Variants in SNAP91 observed in about 807,000 individuals in gnomAD.
The protein encoded by SNAP91 is clathrin coat assembly protein AP180.
Under a neutral mutation model 100.3 loss-of-function variants are expected in SNAP91, and 27 were observed. The observed-to-expected ratio is 0.27, with a 90% confidence interval of 0.20 to 0.37. The LOEUF (loss-of-function observed/expected upper bound fraction) is 0.37, where lower values mean the gene tolerates loss of function less well. Ranked by LOEUF, SNAP91 falls within the 10% of genes least tolerant of loss-of-function variation. SNAP91 has a pLI of 1.00. For synonymous variants in SNAP91, 404 were observed against 398.6 expected (o/e 1.01, Z -0.16); for missense variants, 986 against 1,123.7 (o/e 0.88, Z 1.75).
At chr6:83,616,625 G>A (rs920097582) in intron 10 of SNAP91, among the ~76,000 whole-genome samples, 2 of 152,208 alleles carry the variant, frequency 1.3e-5, no homozygotes, top group South Asian at 2.1e-4. Flanking sequence ...TTGTGAAATT[G>A]TGCTTGTTTT....
intron 26 of SNAP91, among the ~76,000 whole-genome samples, chr6:83,572,312 T>A (rs145590538): frequency 6.6e-6 from 1 of 152,138 alleles, no homozygotes; most frequent in African/African-American, 2.4e-5. Context: ...AGTAGCACAA[T>A]CTCGGCTCAC....
intron 14 of SNAP91, among the ~76,000 whole-genome samples, chr6:83,605,368 A>G (rs1056047852): frequency 6.6e-6 from 1 of 152,192 alleles, no homozygotes; most frequent in African/African-American, 2.4e-5. Flanking sequence ...GTCTCTAGAG[A>G]ACAATTACTA....
At chr6:83,618,552 A>G (rs909597566) in intron 9 of SNAP91, among the ~76,000 whole-genome samples, 1 of 151,990 alleles carries the variant, frequency 6.6e-6, no homozygotes, top group Admixed American at 6.5e-5. Flanking sequence ...TATAGATACC[A>G]GATTATAAAC....
rs145272488 is a variant in SNAP91, at chr6:83,587,076, ACTAT to A, written c.2014+4131_2014+4134del. On this transcript the variant is annotated intron_variant, in intron 22 of 29. Transcript: ENST00000369694. ...TATGATAGATAGGTTCATTTTCAAG[ACTAT>A]CTAGTTAGTCTTTGTTTTCAAGTTT... is the stretch of plus-strand genomic sequence containing the variant. Among the ~76,000 whole-genome samples the A allele has an allele frequency of 5.7e-4, 87 of 152,288 alleles. No individual in the cohort carries two copies. In the East Asian group the frequency reaches 9.1e-3, roughly 16 times the overall value.
At chr6:83,665,350 G>T in intron 3 of SNAP91, 89 bp downstream of exon 3, 1 of 1,270,278 alleles carries the variant, frequency 7.9e-7, no homozygotes, top group Non-Finnish European at 1.1e-6. Flanking sequence ...CTCCTAATTA[G>T]TGAAAATTCA....
In SNAP91 at chr6:83,580,433, A is replaced by C. The variant is rs1315786318; in HGVS notation, c.2299+17T>G. ...ATGCTTCAGTTAAAGAAAAAAAAAA[A>C]AAACTAGATTACTCACTGCCTACTA... On this transcript the variant is annotated intron_variant, in intron 24 of 29. Transcript: ENST00000369694. The C allele has an allele frequency of 5.7e-6, 9 of 1,573,956 alleles. No homozygotes were observed. Among genetic ancestry groups the C allele is most frequent in the South Asian group, 1.2e-5 (1 of 83,862 alleles).
rs1396416344 is a variant in SNAP91, at chr6:83,661,529, G to A, written c.425C>T (p.Ala142Val). 1.2e-6 allele frequency: 2 copies of A among 1,608,924 alleles called. No individual in the cohort carries two copies. The highest frequency in any genetic ancestry group is 1.7e-6 in the Non-Finnish European group (2 of 1,177,518). ...NEKAFSYRQM[A>V]FDFARVKKGA... is the part of the protein sequence containing the mutation. ...TTTCTTCACCCTGGCAAAATCAAAG[G>A]CCATCTGTCTGTAAGAAAAAGCCTT... Residue 142 changes from alanine (A) to valine (V), a missense_variant, in exon 5 of 30, where the codon GCC becomes GTC. This residue lies in a region of SNAP91 where 330 missense variants were observed against 447.5 expected (regional missense o/e 0.74). Transcript: ENST00000369694.
intron 16 of SNAP91, among the ~76,000 whole-genome samples, chr6:83,598,605 G>C (rs2094783260): frequency 1.3e-5 from 2 of 151,956 alleles, no homozygotes; most frequent in Non-Finnish European, 2.9e-5. Flanking sequence ...ACCTCAAAAA[G>C]GCATGTTTTA....
chr6:83,659,062 G>T lies in SNAP91; in HGVS notation c.483C>A (p.Pro161=). The change falls in exon 6 of 30, where the codon CCC becomes CCA. Residue 161 remains proline (P), a synonymous_variant. Transcript: ENST00000369694. ...GADGVMRTMA[P]EKLLKSMPIL... ...TTGGCATACTCTTTAGCAGCTTTTCGGGAGCCATTGTCCTCATTACACCAT... is the reference window on the plus strand; with the variant it reads ...TTGGCATACTCTTTAGCAGCTTTTCTGGAGCCATTGTCCTCATTACACCAT... 1 of 1,603,772 alleles carries T rather than the reference G, an allele frequency of 6.2e-7. No homozygotes were observed.
intron 7 of SNAP91, among the ~76,000 whole-genome samples, chr6:83,654,730 T>G (rs2098343026): frequency 6.6e-6 from 1 of 152,216 alleles, no homozygotes; most frequent in Non-Finnish European, 1.5e-5. Flanking sequence ...TATACTCGCA[T>G]ATTTGTTTTA....
In SNAP91 at chr6:83,614,152, G is replaced by A. The variant is rs145907240; in HGVS notation, c.884+705C>T. Among the ~76,000 whole-genome samples the A allele has an allele frequency of 8.4e-3, 1,276 of 152,228 alleles. 16 individuals carry two copies. Among genetic ancestry groups the A allele is most frequent in the African/African-American group, 0.028 (1,184 of 41,560 alleles). ...TAAGTGCTAGCCAGAAAAAAATACA[G>A]ATGTGAAAGATCTATCTACATCCTT... On this transcript the variant is annotated intron_variant, in intron 11 of 29. Coordinates refer to ENST00000369694, the MANE Select transcript of SNAP91 (RefSeq NM_001242792.2).
chr6:83,679,683 CT>C (rs890094552), intron 2 of SNAP91, among the ~76,000 whole-genome samples: 1 of 152,152 alleles, frequency 6.6e-6, no homozygotes, highest in African/African-American at 2.4e-5. Context: ...GAGGAAAGAT[CT>C]TTCTGACACC....
At chr6:83,704,620 T>C (rs770892070) in intron 2 of SNAP91, among the ~76,000 whole-genome samples, 8 of 152,132 alleles carry the variant, frequency 5.3e-5, no homozygotes, top group Non-Finnish European at 1.0e-4. Flanking sequence ...AAAGAATTTA[T>C]CATTTAAACC....
At chr6:83,635,003 T>G (rs2097370360) in intron 8 of SNAP91, among the ~76,000 whole-genome samples, 1 of 152,234 alleles carries the variant, frequency 6.6e-6, no homozygotes, top group South Asian at 2.1e-4. Flanking sequence ...GGTCTAAGAA[T>G]ATACTTGTTA....
At chr6:83,595,409 C>A (rs1239670493) in intron 16 of SNAP91, among the ~76,000 whole-genome samples, 1 of 152,134 alleles carries the variant, frequency 6.6e-6, no homozygotes, top group African/African-American at 2.4e-5. Flanking sequence ...AACATACGAG[C>A]AGCCACAGTT....
At chr6:83,599,622 G>C (rs1179823694) in intron 16 of SNAP91, among the ~76,000 whole-genome samples, 2 of 152,162 alleles carry the variant, frequency 1.3e-5, no homozygotes, top group Non-Finnish European at 2.9e-5. Flanking sequence ...CTTACCTTTA[G>C]TCAGGCCTAA....
intron 8 of SNAP91, among the ~76,000 whole-genome samples, chr6:83,639,476 CATA>C (rs1562463386): frequency 6.6e-6 from 1 of 152,072 alleles, no homozygotes; most frequent in East Asian, 1.9e-4. Context: ...AAGTCTTAAT[CATA>C]ATGTTCAAAT....
chr6:83,630,599 A>G (rs2097167867), intron 8 of SNAP91, among the ~76,000 whole-genome samples: 1 of 151,598 alleles, frequency 6.6e-6, no homozygotes, highest in Admixed American at 6.6e-5. Flanking sequence ...AATTAATCCA[A>G]CTCTTCTAGG....
chr6:83,575,780 A>G (rs994668071), intron 25 of SNAP91, among the ~76,000 whole-genome samples: 1 of 152,242 alleles, frequency 6.6e-6, no homozygotes, highest in Non-Finnish European at 1.5e-5. Context: ...ATATTTCTAG[A>G]TATAACTTAG....
Sources: gnomAD v4.1 joint callset for allele counts (sites outside exome capture counted in the v4.1 genomes callset) on GRCh38, gnomAD v4.1.1 for gene constraint, gnomAD v4.1.1 regional missense constraint, MANE v1.5 for transcripts, NCBI Gene and HGNC (gene_info 2026-07-23, HGNC 2026-07-21) for gene names.